HEATR1: variants seen among roughly 807,000 people sequenced by gnomAD.
HEATR1 encodes HEAT repeat-containing protein 1.
In HEATR1, 77 loss-of-function variants were observed where a neutral mutation model predicts 248.2. The observed-to-expected ratio is 0.31, with a 90% CI of 0.26 to 0.37. The LOEUF (loss-of-function observed/expected upper bound fraction) is 0.37. HEATR1 is among the 10% of genes least tolerant of loss of function. HEATR1 has a pLI of 1.00. For missense variants in HEATR1, 2,420 were observed against 2,504.9 expected, an observed-to-expected ratio of 0.97 and a Z score of 0.72; for synonymous variants, 897 against 923.1, an observed-to-expected ratio of 0.97 and a Z score of 0.51.
At chr1:236,580,683 ATTTTTGTAT>A (rs1663701242) in intron 20 of HEATR1, among the ~76,000 whole-genome samples, 1 of 151,852 alleles carries the variant, frequency 6.6e-6, no homozygotes, top group Admixed American at 6.6e-5. Context: ...CGCCCAGCTA[ATTTTTGTAT>A]TTTTTGTAGA....
chr1:236,592,055 G>C lies in HEATR1; in HGVS notation c.1360C>G (p.Leu454Val). Residue 454 changes from leucine to valine, a missense_variant, in exon 11 of 45, where the codon CTG becomes GTG. Transcript: ENST00000366582. The stretch of plus-strand genomic sequence containing the variant: ...TGATGGAAAAGCTCTTGTTTTTTCA[G>C]ATCTGCAATTTCCTTTAAGTGTTCC... The part of the protein sequence containing the change: ...LEEHLKEIAD[L>V]KKQELFHQFV... The C allele has an allele frequency of 6.2e-7, 1 of 1,609,198 alleles. No individual in the cohort carries two copies.
At chr1:236,595,160 C>CT (rs991541827) in intron 8 of HEATR1, among the ~76,000 whole-genome samples, 1 of 152,006 alleles carries the variant, frequency 6.6e-6, no homozygotes, top group African/African-American at 2.4e-5. Flanking sequence ...AGGGAAAAAA[C>CT]TTTTTTGGCA....
chr1:236,604,110 G>C lies in HEATR1; in HGVS notation c.-15C>G, dbSNP rs754001874. ...AAGGACGTCATCTTTCACGCCAGCGGAGTTTTAATGACACGGGCTAAAAAA... is the reference window on the plus strand; with the variant it reads ...AAGGACGTCATCTTTCACGCCAGCGCAGTTTTAATGACACGGGCTAAAAAA... On this transcript the variant is annotated 5_prime_UTR_variant, in exon 2 of 45. Transcript: ENST00000366582. The C allele has an allele frequency of 4.1e-5, 64 of 1,545,764 alleles. No homozygotes were observed. The East Asian group carries it at 1.5e-3, about 36-fold the overall frequency.
intron 37 of HEATR1, among the ~76,000 whole-genome samples, chr1:236,556,911 A>G (rs966228952): frequency 6.6e-6 from 1 of 152,198 alleles, no homozygotes; most frequent in Admixed American, 6.5e-5. Flanking sequence ...GCCCAACTCC[A>G]AAGATCTCAC....
At chr1:236,568,789 C>T (rs1663339811) in intron 29 of HEATR1, among the ~76,000 whole-genome samples, 1 of 150,468 alleles carries the variant, frequency 6.6e-6, no homozygotes, top group Admixed American at 6.6e-5. Context: ...TTGAGAAAGA[C>T]ATTGCCAAGA....
chr1:236,603,881 G>GAAA, intron 2 of HEATR1, 73 bp downstream of exon 2: 99 of 1,300,900 alleles, frequency 7.6e-5, no homozygotes, highest in African/African-American at 1.3e-4. Context: ...GAAAACAAGG[G>GAAA]GAAAAAAAAA....
In HEATR1 at chr1:236,561,283, A is replaced by G. The variant is rs1226372037; in HGVS notation, c.4600-12T>C. The G allele has an allele frequency of 2.5e-6, 4 of 1,605,270 alleles. No homozygotes were observed. On this transcript the variant is annotated splice_polypyrimidine_tract_variant and intron_variant, in intron 32 of 44. Coordinates refer to ENST00000366582, the MANE Select transcript of HEATR1 (RefSeq NM_018072.6). ...CCACTCTCAACTACCTAATTTTTAA[A>G]GAAGACGTCATTAGAACGGTAGGGA...
At chr1:236,555,225 T>C in intron 41 of HEATR1, 71 bp downstream of exon 41, 2 of 1,502,644 alleles carry the variant, frequency 1.3e-6, no homozygotes, top group Non-Finnish European at 1.8e-6. Context: ...AAGCACTAGG[T>C]TGTGTCTTAC....
At chr1:236,571,758 T>C (rs970551980) in intron 26 of HEATR1, 72 bp from the exon 27 acceptor site, 39 of 1,045,368 alleles carry the variant, frequency 3.7e-5, no homozygotes, top group Admixed American at 1.2e-4. Flanking sequence ...TTAATGGCCA[T>C]TGTCCAGAAC....
At chr1:236,562,899 T>C (rs1408002681) in intron 32 of HEATR1, among the ~76,000 whole-genome samples, 2 of 148,436 alleles carry the variant, frequency 1.3e-5, no homozygotes, top group Non-Finnish European at 3.0e-5. Context: ...AATCTTTTTT[T>C]CTACTCTGTT....
Position 236,603,346 on chromosome 1 carries a change from A to C in HEATR1, c.173T>G (p.Ile58Ser). The change falls in exon 3 of 45, where the codon ATT (isoleucine) becomes AGT (serine). Residue 58 changes from isoleucine to serine, a missense_variant. Ile to Ser is a moderately radical substitution (Grantham distance 142, BLOSUM62 -2). Transcript: ENST00000366582. ...TTCAAACTGCTCAAAGGAAGGATCAATTCCAAGCAACTCTTCCAGGCCAGT... is the reference window on the plus strand; with the variant it reads ...TTCAAACTGCTCAAAGGAAGGATCACTTCCAAGCAACTCTTCCAGGCCAGT... ...GCTGLEELLGIDPSFEQFEAP... is the reference protein window; with the variant it reads ...GCTGLEELLGSDPSFEQFEAP... 1 of 1,614,126 alleles carries C rather than the reference A, an allele frequency of 6.2e-7. No homozygotes were observed. Among genetic ancestry groups the C allele is most frequent in the Middle Eastern group, 1.6e-4 (1 of 6,062 alleles).
At chr1:236,568,706 AATG>A (rs1293480417) in intron 29 of HEATR1, among the ~76,000 whole-genome samples, 1 of 152,132 alleles carries the variant, frequency 6.6e-6, no homozygotes, top group African/African-American at 2.4e-5. Context: ...ACCCCACCCG[AATG>A]ATGTTAAGAC....
intron 26 of HEATR1, among the ~76,000 whole-genome samples, chr1:236,571,964 T>C: frequency 6.6e-6 from 1 of 152,120 alleles, no homozygotes; most frequent in East Asian, 1.9e-4. Flanking sequence ...CAGAATTACT[T>C]TGCCTTTCAC....
intron 9 of HEATR1, among the ~76,000 whole-genome samples, chr1:236,593,397 T>C (rs1664092403): frequency 6.6e-6 from 1 of 151,928 alleles, no homozygotes; most frequent in Non-Finnish European, 1.5e-5. Context: ...ACCAACCCTC[T>C]GAGCAAAGGG....
chr1:236,558,916 G>T, intron 35 of HEATR1, 79 bp downstream of exon 35: 2 of 1,215,084 alleles, frequency 1.6e-6, no homozygotes, highest in African/African-American at 1.5e-5. Context: ...TGTACCACTA[G>T]AGAAATTGAA....
chr1:236,572,988 T>A (rs557701688), intron 24 of HEATR1, among the ~76,000 whole-genome samples, 160 bp from the exon 25 acceptor site: 3 of 152,300 alleles, frequency 2.0e-5, no homozygotes, highest in Admixed American at 6.5e-5. Flanking sequence ...TACTACCTTG[T>A]TACAGACTTC....
intron 3 of HEATR1, among the ~76,000 whole-genome samples, 187 bp from the exon 4 acceptor site, chr1:236,599,811 C>T (rs1010616836): frequency 2.0e-5 from 3 of 152,232 alleles, no homozygotes; most frequent in African/African-American, 4.8e-5. Flanking sequence ...TATCCCTCAA[C>T]ATGGTCCAGC....
In HEATR1 at chr1:236,571,364, G is replaced by A. The variant is rs752036660; in HGVS notation, c.3935C>T (p.Ala1312Val). 6.3e-7 allele frequency: 1 copy of A among 1,594,822 alleles called. No homozygotes were observed. The highest frequency in any genetic ancestry group is 1.2e-5 in the South Asian group (1 of 86,832). Residue 1312 changes from alanine (A) to valine (V), a missense_variant, in exon 28 of 45, where the codon GCT (alanine) becomes GTT (valine). Coordinates refer to ENST00000366582, the MANE Select transcript of HEATR1 (RefSeq NM_018072.6). ...ATTAACGCTTACCGGAAATATTCCA[G>A]CAACAGTGCCCAAAAGTAAAAGGGC... The part of the protein sequence containing the change: ...HHALLLLGTV[A>V]GIFPDKVLHN...
chr1:236,598,270 A>G (rs905033529), intron 4 of HEATR1, among the ~76,000 whole-genome samples: 1 of 152,176 alleles, frequency 6.6e-6, no homozygotes, highest in Non-Finnish European at 1.5e-5. Context: ...GATTCTTAGT[A>G]ACTTTACTGG....
Sources: gnomAD v4.1 joint callset for allele counts (sites outside exome capture counted in the v4.1 genomes callset) on GRCh38, gnomAD v4.1.1 for gene constraint, MANE v1.5 for transcripts, NCBI Gene and HGNC (gene_info 2026-07-23, HGNC 2026-07-21) for gene names.